The following HCFC1 variants were observed in gnomAD, a reference collection of about 807,000 sequenced individuals.
HCFC1 encodes host cell factor C1.
Under a neutral mutation model 105.5 loss-of-function variants are expected in HCFC1, and 7 were observed. That is an observed-to-expected ratio of 0.07 (90% CI 0.04 to 0.12). The LOEUF (loss-of-function observed/expected upper bound fraction) is 0.12, where lower values mean the gene tolerates loss of function less well. Among genes scored for constraint, HCFC1 ranks in the 10% least tolerant of loss-of-function variants. HCFC1 has a pLI of 1.00. For synonymous variants in HCFC1, 918 were observed against 828.1 expected (o/e 1.11, Z -1.86); for missense variants, 1,065 against 1,823.6 (o/e 0.58, Z 7.58).
chrX:153,971,767 G>C lies in HCFC1; in HGVS notation c.-927C>G. The C allele has an allele frequency of 3.4e-6, 1 of 297,495 alleles. No homozygotes were observed. The highest frequency in any genetic ancestry group is 6.0e-5 in the Admixed American group (1 of 16,557). The allele number at this position is 297,495 out of a possible 1,213,427, so 24.5% of individuals were successfully genotyped here. ...AAGCGGCAACTGTACGGCAGAAGAAGCGGTAACGGCAGGGCGCTCATGCCT... is the reference window on the plus strand; with the variant it reads ...AAGCGGCAACTGTACGGCAGAAGAACCGGTAACGGCAGGGCGCTCATGCCT... On this transcript the variant is annotated 5_prime_UTR_variant, in exon 1 of 26. Transcript: ENST00000310441.
intron 6 of HCFC1, 21 bp downstream of exon 6, chrX:153,961,521 C>G (rs782814753): frequency 8.9e-7 from 1 of 1,120,838 alleles, no homozygotes; most frequent in African/African-American, 1.8e-5. Flanking sequence ...ACAGGCCACT[C>G]GGAGCCCGAG....
At position 153,964,279 on chromosome X, in the gene HCFC1, G is replaced by A. The variant is rs1557117797; in HGVS notation, c.348C>T (p.Ser116=). 1.7e-6 allele frequency: 2 copies of A among 1,172,670 alleles called. No individual in the cohort carries two copies. The highest frequency in any genetic ancestry group is 3.6e-5 in the African/African-American group (2 of 55,836). The change falls in exon 3 of 26, where the codon AGC becomes AGT. Residue 116 remains serine, a synonymous_variant. Coordinates refer to ENST00000310441, the MANE Select transcript of HCFC1 (RefSeq NM_005334.3). The part of the protein sequence containing the change: ...YSNDLYELQA[S]RWEWKRLKAK... ...CTTTGAGTCTCTTCCACTCCCACCG[G>A]CTCGCCTGCAAAATCAAGACCTGGA...
At chrX:153,959,596 G>A in intron 8 of HCFC1, 105 bp from the exon 9 acceptor site, 2 of 1,021,575 alleles carry the variant, frequency 2.0e-6, no homozygotes, top group Non-Finnish European at 2.7e-6. Flanking sequence ...TTGTGTGGGA[G>A]TCTGGCTCTT....
In HCFC1 at chrX:153,953,641, G is replaced by A; in HGVS notation, c.4463C>T (p.Thr1488Met). 5 of 1,210,761 alleles carry A rather than the reference G, an allele frequency of 4.1e-6. No homozygotes were observed. Among genetic ancestry groups the A allele is most frequent in the Non-Finnish European group, 5.6e-6 (5 of 895,300 alleles). ...GGGGCCCGGGACCGGTGTGGACTGCGTCACGGTGGTCACAGCCCGCGTCAG... is the reference window on the plus strand; with the variant it reads ...GGGGCCCGGGACCGGTGTGGACTGCATCACGGTGGTCACAGCCCGCGTCAG... ...STLTRAVTTVTQSTPVPGPSV... is the reference protein window; with the variant it reads ...STLTRAVTTVMQSTPVPGPSV... The change falls in exon 18 of 26, where the codon ACG (threonine) becomes ATG (methionine). Residue 1488 changes from threonine (T) to methionine (M), a missense_variant. Thr to Met is a moderately conservative substitution (Grantham distance 81, BLOSUM62 -1). Transcript: ENST00000310441.
rs200977867 is a variant in HCFC1 at position 153,949,311 on chromosome X, G to A, written c.*36C>T. Reference sequence around the variant, plus strand: ...TGGCGGGTGTTCCTGAAGCAGGGGGGTCTGGAGAAGAATCCAGGGGCTAGT... The same window carrying A: ...TGGCGGGTGTTCCTGAAGCAGGGGGATCTGGAGAAGAATCCAGGGGCTAGT... On this transcript the variant is annotated 3_prime_UTR_variant, in exon 26 of 26. Transcript: ENST00000310441. 6.0e-6 allele frequency: 7 copies of A among 1,164,806 alleles called. No homozygotes were observed. The highest frequency in any genetic ancestry group is 3.0e-5 in the East Asian group (1 of 33,529).
At position 153,957,296 on chromosome X, in the gene HCFC1, G is replaced by A. The variant is rs1557115334; in HGVS notation, c.2353+18C>T. ...AGTGAGGACTTGCAGACACTCATATGTCGGGGGAGGCCCCTACCCGTGGCG... is the reference window on the plus strand; with the variant it reads ...AGTGAGGACTTGCAGACACTCATATATCGGGGGAGGCCCCTACCCGTGGCG... On this transcript the variant is annotated intron_variant, in intron 13 of 25. Coordinates refer to ENST00000310441, the MANE Select transcript of HCFC1 (RefSeq NM_005334.3). The A allele has an allele frequency of 1.7e-6, 2 of 1,164,705 alleles. No homozygotes were observed. Among genetic ancestry groups the A allele is most frequent in the African/African-American group, 3.5e-5 (2 of 57,046 alleles).
rs150254396 is a variant in HCFC1, at chrX:153,953,303, C to T, written c.4497+304G>A. Among the ~76,000 whole-genome samples the T allele has an allele frequency of 0.015, 1,664 of 111,941 alleles. 29 individuals carry two copies. The highest frequency in any genetic ancestry group is 0.052 in the African/African-American group (1,587 of 30,753). On this transcript the variant is annotated intron_variant, in intron 18 of 25. Coordinates refer to ENST00000310441, the MANE Select transcript of HCFC1 (RefSeq NM_005334.3). Reference sequence around the variant, plus strand: ...TTGAGACCCCCGGTCAGGTTTAACCCGTCCTCAGTCACCCTGGCCTGGACA... The same window carrying T: ...TTGAGACCCCCGGTCAGGTTTAACCTGTCCTCAGTCACCCTGGCCTGGACA...
rs374615593 is a variant in HCFC1, at chrX:153,954,883, G to A, written c.3516C>T (p.Ser1172=). ...SKSQCQTRQT[S]ATSTTMTVMA... is the part of the protein sequence containing the mutation. ...TCACAGTCATGGTGGTGCTGGTCGC[G>A]CTGGTCTGGCGGGTTTGGCACTGGG... is the stretch of plus-strand genomic sequence containing the variant. Residue 1172 remains serine, a synonymous_variant, in exon 17 of 26, where the codon AGC becomes AGT. Coordinates refer to ENST00000310441, the MANE Select transcript of HCFC1 (RefSeq NM_005334.3). 3.1e-5 allele frequency: 36 copies of A among 1,157,917 alleles called. No homozygotes were observed. Among genetic ancestry groups the A allele is most frequent in the East Asian group, 6.3e-5 (2 of 31,523 alleles).
Position 153,952,111 on chromosome X carries a change from G to C in HCFC1, c.4990C>G (p.Gln1664Glu). Residue 1664 changes from glutamine to glutamate, a missense_variant, in exon 20 of 26, where the codon CAG becomes GAG. Transcript: ENST00000310441. Reference protein sequence around the residue: ...DTSEAAATVTQAELGHLSAEG... With the variant: ...DTSEAAATVTEAELGHLSAEG... The stretch of plus-strand genomic sequence containing the variant: ...GCCGACAGGTGCCCCAGCTCCGCCT[G>C]AGTCACGGTTGCTGCTGCCTCGGAG... 3.5e-6 allele frequency: 4 copies of C among 1,145,403 alleles called. No homozygotes were observed. The highest frequency in any genetic ancestry group is 4.6e-6 in the Non-Finnish European group (4 of 864,767). The allele number at this position is 1,145,403 out of a possible 1,213,427, so 94.4% of individuals were successfully genotyped here. A position where few individuals can be genotyped will look rare whatever the true frequency, so the allele number is the denominator to read the frequency against.
chrX:153,963,918 C>T (rs1054849558), intron 3 of HCFC1, among the ~76,000 whole-genome samples: 2 of 111,671 alleles, frequency 1.8e-5, no homozygotes, highest in Non-Finnish European at 3.8e-5. Flanking sequence ...CCTCCTCCCA[C>T]GAGGCCTGCT....
At chrX:153,955,635 C>T (rs2065367814) in intron 16 of HCFC1, 93 bp from the exon 17 acceptor site, 2 of 893,062 alleles carry the variant, frequency 2.2e-6, no homozygotes, top group Middle Eastern at 3.8e-4. Flanking sequence ...CAGGCTGGGA[C>T]CACTGACCAC....
At chrX:153,952,226 G>A (rs2065320379) in intron 19 of HCFC1, 68 bp from the exon 20 acceptor site, 4 of 1,080,443 alleles carry the variant, frequency 3.7e-6, no homozygotes, top group Non-Finnish European at 4.8e-6. Context: ...CCCGGGCGGA[G>A]GCCCCCAAAG....
intron 1 of HCFC1, 82 bp downstream of exon 1, chrX:153,970,540 GGGAGGGAGGAGAGGGAGGGAGCAGAT>G: frequency 1.9e-6 from 1 of 515,509 alleles, no homozygotes; most frequent in Non-Finnish European, 3.2e-6. Context: ...AGGAGATGGA[GGGAGGGAGGAGAGGGAGGGAGCAGAT>G]GGAGGGAGGG....
At chrX:153,949,840 G>C (rs1557111949) in intron 24 of HCFC1, among the ~76,000 whole-genome samples, 1 of 112,025 alleles carries the variant, frequency 8.9e-6, no homozygotes, top group Non-Finnish European at 1.9e-5. Context: ...AACCCACTCA[G>C]CTCAGCTCCC....
rs781908241 is a variant in HCFC1 at position 153,954,692 on chromosome X, G to A, written c.3707C>T (p.Ala1236Val). The A allele has an allele frequency of 3.3e-6, 4 of 1,201,096 alleles. No individual in the cohort carries two copies. The highest frequency in any genetic ancestry group is 2.2e-5 in the Admixed American group (1 of 44,569). The change falls in exon 17 of 26, where the codon GCG becomes GTG. Residue 1236 changes from alanine (A) to valine (V), a missense_variant. Ala to Val is a moderately conservative substitution (Grantham distance 64, BLOSUM62 0). Coordinates refer to ENST00000310441, the MANE Select transcript of HCFC1 (RefSeq NM_005334.3). ...ACGGGTCATGGCAGCGGTGCTGACCGCATGGCTGTGGCGCCCCGCAGGAAG... is the reference window on the plus strand; with the variant it reads ...ACGGGTCATGGCAGCGGTGCTGACCACATGGCTGTGGCGCCCCGCAGGAAG... Reference protein sequence around the residue: ...KDLPAGRHSHAVSTAAMTRSS... With the variant: ...KDLPAGRHSHVVSTAAMTRSS...
At chrX:153,951,108 CGGTGGCTGG>C (rs2065306417) in intron 22 of HCFC1, 110 bp from the exon 23 acceptor site, 1 of 800,661 alleles carries the variant, frequency 1.2e-6, no homozygotes, top group African/African-American at 2.1e-5. Flanking sequence ...AAGAGGTCAG[CGGTGGCTGG>C]CCCCTCACGG....
rs2065460237 is a variant in HCFC1, at chrX:153,964,813, G to T, written c.194-87C>A. 3 of 971,043 alleles carry T rather than the reference G, an allele frequency of 3.1e-6. No homozygotes were observed. The African/African-American group carries it at 5.9e-5, about 19-fold the overall frequency. The allele number at this position is 971,043 out of a possible 1,213,427, so 80.0% of individuals were successfully genotyped here. A position where few individuals can be genotyped will look rare whatever the true frequency, so the allele number is the denominator to read the frequency against. On this transcript the variant is annotated intron_variant, in intron 1 of 25. Transcript: ENST00000310441. ...AAATGTGCCAGCCGTCAAGCTTGGT[G>T]AGAGGGGCTGAGCCAGCACCATCCC... is the stretch of plus-strand genomic sequence containing the variant.
At chrX:153,960,980 AG>A (rs2065424259) in intron 6 of HCFC1, among the ~76,000 whole-genome samples, 1 of 112,314 alleles carries the variant, frequency 8.9e-6, no homozygotes, top group African/African-American at 3.2e-5. Flanking sequence ...CCCTACTTCT[AG>A]GTTTTCACCC....
intron 4 of HCFC1, 36 bp downstream of exon 4, chrX:153,963,189 G>C (rs782305178): frequency 1.8e-6 from 2 of 1,113,279 alleles, no homozygotes; most frequent in Non-Finnish European, 2.5e-6. Flanking sequence ...GACCCGCTTT[G>C]TCCCATGGCT....
Sources: allele counts gnomAD v4.1 joint callset (sites outside exome capture counted in the v4.1 genomes callset), GRCh38; gene constraint gnomAD v4.1.1; transcripts MANE v1.5; gene names NCBI Gene and HGNC (gene_info 2026-07-23, HGNC 2026-07-21).